Variants in SYT1 observed in about 807,000 individuals in gnomAD.
The protein encoded by SYT1 is synaptotagmin 1.
A neutral mutation model predicts 44.8 loss-of-function variants in SYT1; 8 were observed. The ratio of observed to expected loss-of-function variants is 0.18; its 90% CI spans 0.10 to 0.32. The LOEUF is 0.32. SYT1 is among the 10% of genes least tolerant of loss of function. The pLI, the probability that SYT1 is intolerant of heterozygous loss-of-function variation, is 1.00. For synonymous variants in SYT1, 154 were observed against 188.8 expected (o/e 0.82, Z 1.51); for missense variants, 286 against 509.3 (o/e 0.56, Z 4.22).
chr12:79,262,881 T>C (rs1271504713), intron 4 of SYT1, among the ~76,000 whole-genome samples: 1 of 152,008 alleles, frequency 6.6e-6, no homozygotes, highest in African/African-American at 2.4e-5. Context: ...ACAAAACAAA[T>C]AGGCAAAAAA....
At chr12:79,335,317 C>T (rs557489376) in intron 8 of SYT1, among the ~76,000 whole-genome samples, 1 of 151,652 alleles carries the variant, frequency 6.6e-6, no homozygotes, top group South Asian at 2.1e-4. Flanking sequence ...TTTTTCCAGC[C>T]TTTCCTCGTA....
rs990339887 is a variant in SYT1 at position 79,311,191 on chromosome 12, T to C, written c.810+11640T>C. ...CTTATTATTTTGAGATACGTCCCCA[T>C]CAAAAAGTGGGCAAAGGACATGAAC... On this transcript the variant is annotated intron_variant, in intron 8 of 10. Coordinates refer to ENST00000261205, the MANE Select transcript of SYT1 (RefSeq NM_005639.3). 1.4e-4 allele frequency among the ~76,000 whole-genome samples: 22 copies of C among 152,144 alleles called. No homozygotes were observed. The South Asian group carries it at 1.9e-3, about 13-fold the overall frequency.
chr12:78,868,131 A>C (rs1018443831), intron 1 of SYT1, among the ~76,000 whole-genome samples: 1 of 151,930 alleles, frequency 6.6e-6, no homozygotes, highest in African/African-American at 2.4e-5. Flanking sequence ...TATGATTTCC[A>C]GTTTGTGCAA....
chr12:79,360,213 A>G (rs1883266965), intron 9 of SYT1, among the ~76,000 whole-genome samples: 2 of 151,918 alleles, frequency 1.3e-5, no homozygotes, highest in African/African-American at 2.4e-5. Flanking sequence ...TTTTTGGGTC[A>G]GTAACATAGA....
intron 9 of SYT1, among the ~76,000 whole-genome samples, chr12:79,404,870 A>G (rs2136121716): frequency 6.6e-6 from 1 of 152,310 alleles, no homozygotes; most frequent in African/African-American, 2.4e-5. Flanking sequence ...TTGGATCTAG[A>G]TGTACCCTCT....
intron 3 of SYT1, among the ~76,000 whole-genome samples, chr12:79,190,967 A>C (rs1003116865): frequency 6.6e-6 from 1 of 152,102 alleles, no homozygotes; most frequent in Non-Finnish European, 1.5e-5. Context: ...TTATGCACAG[A>C]AATTTCTACC....
At chr12:79,022,876 A>G (rs921914489) in intron 2 of SYT1, among the ~76,000 whole-genome samples, 2 of 151,724 alleles carry the variant, frequency 1.3e-5, no homozygotes, top group Non-Finnish European at 2.9e-5. Context: ...ACAACCCAGG[A>G]TCTAGCTTTC....
At chr12:79,098,501 C>T (rs1431891333) in intron 3 of SYT1, among the ~76,000 whole-genome samples, 1 of 151,960 alleles carries the variant, frequency 6.6e-6, no homozygotes, top group Non-Finnish European at 1.5e-5. Context: ...ATTTATGTTA[C>T]CTCATCTCAA....
At position 79,045,320 on chromosome 12, in the gene SYT1, G is replaced by A. The variant is rs978339215; in HGVS notation, c.-83-1977G>A. Reference sequence around the variant, plus strand: ...CGAGCCAGGTGCGGGATATAATCTCGTGGTGCGCCATTTTTTAAGCCGGTC... The same window carrying A: ...CGAGCCAGGTGCGGGATATAATCTCATGGTGCGCCATTTTTTAAGCCGGTC... On this transcript the variant is annotated intron_variant, in intron 2 of 10. Transcript: ENST00000261205. Among the ~76,000 whole-genome samples, 5 of 152,218 alleles carry A rather than the reference G, an allele frequency of 3.3e-5. No individual in the cohort carries two copies. In the South Asian group the frequency reaches 8.3e-4, roughly 25 times the overall value.
At chr12:78,875,341 A>G (rs11111692) in intron 1 of SYT1, among the ~76,000 whole-genome samples, 85,413 of 151,254 alleles carry the variant, frequency 0.56, 25,285 homozygotes, top group Non-Finnish European at 0.66. Context: ...CATTCTAAGG[A>G]AGAAGAGAGA....
chr12:78,899,224 A>C (rs1875526269), intron 1 of SYT1, among the ~76,000 whole-genome samples: 1 of 152,012 alleles, frequency 6.6e-6, no homozygotes, highest in Admixed American at 6.6e-5. Flanking sequence ...AATCATTATG[A>C]ATGTTTTTAG....
chr12:78,986,677 A>C (rs1345261551), intron 2 of SYT1, among the ~76,000 whole-genome samples: 1 of 152,022 alleles, frequency 6.6e-6, no homozygotes, highest in African/African-American at 2.4e-5. Context: ...TCCTGAAACT[A>C]CATATTTTTG....
intron 4 of SYT1, among the ~76,000 whole-genome samples, chr12:79,236,939 T>G (rs1407676756): frequency 6.6e-6 from 1 of 152,140 alleles, no homozygotes; most frequent in African/African-American, 2.4e-5. Flanking sequence ...ATTTAATAGT[T>G]AAAGATGAGC....
intron 1 of SYT1, among the ~76,000 whole-genome samples, chr12:78,872,653 T>C (rs1028626721): frequency 1.3e-5 from 2 of 151,794 alleles, no homozygotes; most frequent in Admixed American, 1.3e-4. Context: ...TTTCTTTTTT[T>C]GTATCTTAAT....
chr12:79,027,984 T>C (rs1308047675), intron 2 of SYT1, among the ~76,000 whole-genome samples: 1 of 151,318 alleles, frequency 6.6e-6, no homozygotes, highest in East Asian at 2.0e-4. Flanking sequence ...TATGCAGTCA[T>C]ATTATGGACT....
chr12:79,353,735 T>C (rs1204579986), intron 9 of SYT1, 116 bp downstream of exon 9: 3 of 792,444 alleles, frequency 3.8e-6, no homozygotes, highest in East Asian at 5.0e-5. Context: ...CTCTTTCCTA[T>C]GGAGCCTGGA....
chr12:79,120,939 C>CTATA (rs200621163), intron 3 of SYT1, among the ~76,000 whole-genome samples: 2,238 of 143,386 alleles, frequency 0.016, 74 homozygotes, highest in South Asian at 0.09. Context: ...GTATATATAT[C>CTATA]TATATATATA....
intron 9 of SYT1, among the ~76,000 whole-genome samples, chr12:79,360,917 A>T (rs1245556399): frequency 6.6e-6 from 1 of 152,242 alleles, no homozygotes; most frequent in Non-Finnish European, 1.5e-5. Flanking sequence ...AGGCACAGTT[A>T]TCCACAGAAT....
intron 9 of SYT1, among the ~76,000 whole-genome samples, chr12:79,371,664 A>C (rs1883796187): frequency 6.6e-6 from 1 of 152,244 alleles, no homozygotes; most frequent in Admixed American, 6.5e-5. Context: ...GTGGCCGTGA[A>C]ACAGTGAGCT....
Sources: gnomAD v4.1 joint callset for allele counts (sites outside exome capture counted in the v4.1 genomes callset) on GRCh38, gnomAD v4.1.1 for gene constraint, MANE v1.5 for transcripts, NCBI Gene and HGNC (gene_info 2026-07-23, HGNC 2026-07-21) for gene names.